CRB1: variants seen among roughly 807,000 people sequenced by gnomAD.
The protein encoded by CRB1 is crumbs cell polarity complex component 1.
In CRB1, 83 loss-of-function variants were observed where a neutral mutation model predicts 120.0. The ratio of observed to expected loss-of-function variants is 0.69; its 90% CI spans 0.58 to 0.83. The LOEUF is 0.83. Among genes scored for constraint, CRB1 ranks in the 40% least tolerant of loss-of-function variants. The probability of loss-of-function intolerance (pLI) is 0.00; values close to 1 mark genes in which losing one functional copy is unlikely to be tolerated. For synonymous variants in CRB1, 625 were observed against 612.5 expected (o/e 1.02, Z -0.30); for missense variants, 1,699 against 1,687.6 (o/e 1.01, Z -0.12).
intron 1 of CRB1, among the ~76,000 whole-genome samples, chr1:197,282,733 T>C (rs943078699): frequency 1.3e-5 from 2 of 151,918 alleles, no homozygotes; most frequent in African/African-American, 4.8e-5. Context: ...ATGTTCTCAA[T>C]GTCTTGTAAA....
At chr1:197,341,322 C>T (rs1337631002) in intron 2 of CRB1, among the ~76,000 whole-genome samples, 3 of 152,206 alleles carry the variant, frequency 2.0e-5, no homozygotes, top group Admixed American at 1.3e-4. Context: ...GCAGGCGGAT[C>T]ACTTGAGGTC....
At chr1:197,276,263 G>C (rs1306057669) in intron 1 of CRB1, among the ~76,000 whole-genome samples, 2 of 151,756 alleles carry the variant, frequency 1.3e-5, no homozygotes, top group Admixed American at 1.3e-4. Flanking sequence ...GGAGTTGAAT[G>C]GTTTGACGGG....
At chr1:197,428,949 T>C (rs1237022271) in intron 7 of CRB1, 9 of 1,523,082 alleles carry the variant, frequency 5.9e-6, no homozygotes, top group African/African-American at 1.4e-5. Context: ...AGAACTCAAA[T>C]AATAATACTA....
chr1:197,266,462 A>G (rs1248136695), upstream of CRB1, among the ~76,000 whole-genome samples: 1 of 152,104 alleles, frequency 6.6e-6, no homozygotes, highest in Non-Finnish European at 1.5e-5. Context: ...CACATTGGGG[A>G]TTAGGTTTCA....
chr1:197,205,170 G>A, the CRB1 span, among the ~76,000 whole-genome samples: 1 of 152,154 alleles, frequency 6.6e-6, no homozygotes, highest in South Asian at 2.1e-4. Flanking sequence ...GGAGTAATGT[G>A]TAGGGTTTTC....
intron 1 of CRB1, among the ~76,000 whole-genome samples, chr1:197,308,532 A>G (rs1002152538): frequency 6.6e-6 from 1 of 152,232 alleles, no homozygotes; most frequent in Admixed American, 6.5e-5. Context: ...AATCTATATA[A>G]AAATTTTTAA....
intron 11 of CRB1, among the ~76,000 whole-genome samples, chr1:197,475,129 C>T (rs756971778): frequency 2.0e-5 from 3 of 152,130 alleles, no homozygotes; most frequent in Non-Finnish European, 4.4e-5. Flanking sequence ...CAGTCATTGT[C>T]ATAACCCAGA....
the CRB1 span, among the ~76,000 whole-genome samples, chr1:197,209,645 G>T: frequency 2.6e-5 from 4 of 152,154 alleles, no homozygotes; most frequent in Non-Finnish European, 4.4e-5. Context: ...ACAACACCTG[G>T]CCTCTCCTGC....
chr1:197,275,860 G>A (rs1475592245), intron 1 of CRB1, among the ~76,000 whole-genome samples: 1 of 151,744 alleles, frequency 6.6e-6, no homozygotes, highest in Non-Finnish European at 1.5e-5. Flanking sequence ...CTGTGCATGT[G>A]TTATTTGTTG....
intron 5 of CRB1, among the ~76,000 whole-genome samples, chr1:197,390,149 G>A (rs1036374477): frequency 1.4e-5 from 2 of 138,436 alleles, no homozygotes; most frequent in Non-Finnish European, 3.1e-5. Flanking sequence ...AAGAAGTATA[G>A]GAAGAAGAGC....
intron 5 of CRB1, among the ~76,000 whole-genome samples, chr1:197,410,495 A>T (rs925220976): frequency 1.3e-5 from 2 of 152,224 alleles, no homozygotes; most frequent in Non-Finnish European, 2.9e-5. Context: ...TTAGTGAATT[A>T]TGGCAAGACA....
At chr1:197,464,708 T>A (rs1392367227) in intron 11 of CRB1, among the ~76,000 whole-genome samples, 1 of 152,168 alleles carries the variant, frequency 6.6e-6, no homozygotes, top group Admixed American at 6.5e-5. Flanking sequence ...AAATAATTCA[T>A]GTCAGTATGA....
In CRB1 at chr1:197,453,824, A is replaced by G. The variant is rs1558152184; in HGVS notation, c.4005+11532A>G. 2.1e-5 allele frequency among the ~76,000 whole-genome samples: 3 copies of G among 142,868 alleles called. No homozygotes were observed. The South Asian group carries it at 6.3e-4, about 30-fold the overall frequency. 93.7% of individuals were successfully genotyped at this position (142,868 alleles called of 152,430 possible). A position where few individuals can be genotyped will look rare whatever the true frequency, so the allele number is the denominator to read the frequency against. ...TAATAATAATATATTGTTAATTATT[A>G]ATTATTAATATATTATCAATATTAT... On this transcript the variant is annotated intron_variant, in intron 11 of 11. Transcript: ENST00000367400.
intron 1 of CRB1, among the ~76,000 whole-genome samples, chr1:197,301,145 A>G (rs535689222): frequency 1.3e-5 from 2 of 152,030 alleles, no homozygotes; most frequent in African/African-American, 4.8e-5. Flanking sequence ...TCTATGAATC[A>G]GGGAGTAATT....
At chr1:197,454,098 T>C (rs2125537044) in intron 11 of CRB1, among the ~76,000 whole-genome samples, 1 of 150,938 alleles carries the variant, frequency 6.6e-6, no homozygotes, top group South Asian at 2.1e-4. Context: ...AGTGCTGGGA[T>C]TACAGGCATG....
At chr1:197,215,622 G>T in the CRB1 span, among the ~76,000 whole-genome samples, 1 of 152,156 alleles carries the variant, frequency 6.6e-6, no homozygotes, top group African/African-American at 2.4e-5. Flanking sequence ...CTGTTTTCCT[G>T]ATAGTGAATG....
intron 5 of CRB1, among the ~76,000 whole-genome samples, chr1:197,376,105 A>G (rs923114058): frequency 6.6e-6 from 1 of 151,960 alleles, no homozygotes; most frequent in Non-Finnish European, 1.5e-5. Context: ...GTTCACTATC[A>G]TTCTATTGCT....
At chr1:197,344,749 G>C (rs916659852) in intron 3 of CRB1, among the ~76,000 whole-genome samples, 1 of 152,120 alleles carries the variant, frequency 6.6e-6, no homozygotes, top group South Asian at 2.1e-4. Context: ...ATGAAATAAA[G>C]CTGTTGTAGA....
chr1:197,217,687 G>T, the CRB1 span, among the ~76,000 whole-genome samples: 3 of 152,112 alleles, frequency 2.0e-5, no homozygotes, highest in Non-Finnish European at 2.9e-5. Context: ...GGGAATTATT[G>T]CTATTGGGTA....
Sources: gnomAD v4.1 joint callset for allele counts (sites outside exome capture counted in the v4.1 genomes callset) on GRCh38, gnomAD v4.1.1 for gene constraint, MANE v1.5 for transcripts, NCBI Gene and HGNC (gene_info 2026-07-23, HGNC 2026-07-21) for gene names.